The following TEX14 variants were observed in gnomAD, a reference collection of about 807,000 sequenced individuals.
TEX14 encodes the protein inactive serine/threonine-protein kinase TEX14.
In TEX14, 168 loss-of-function variants were observed where a neutral mutation model predicts 178.6. The observed-to-expected ratio is 0.94, with a 90% CI of 0.83 to 1.07. The LOEUF (loss-of-function observed/expected upper bound fraction) is 1.07, where lower values mean the gene tolerates loss of function less well. Among genes scored for constraint, TEX14 ranks in the 50% least tolerant of loss-of-function variants. The pLI, the probability that TEX14 is intolerant of heterozygous loss-of-function variation, is 0.00. For missense variants in TEX14, 1,730 were observed against 1,753.6 expected, an observed-to-expected ratio of 0.99 and a Z score of 0.24; for synonymous variants, 626 against 634.1, an observed-to-expected ratio of 0.99 and a Z score of 0.19.
chr17:58,657,463 T>C, intron 1 of TEX14, among the ~76,000 whole-genome samples: 1 of 151,158 alleles, frequency 6.6e-6, no homozygotes, highest in East Asian at 1.9e-4. Flanking sequence ...GTCTTTGTCA[T>C]GTGTATATTA....
At chr17:58,577,537 CT>C in intron 20 of TEX14, 81 bp from the exon 21 acceptor site, 2 of 449,464 alleles carry the variant, frequency 4.4e-6, no homozygotes, top group Non-Finnish European at 7.2e-6. Context: ...TCACCATTCC[CT>C]AGAATGTCCC....
chr17:58,663,915 T>C lies in TEX14; in HGVS notation c.-1-11913A>G, dbSNP rs551262195. 3.6e-4 allele frequency among the ~76,000 whole-genome samples: 55 copies of C among 152,280 alleles called. No individual in the cohort carries two copies. In the South Asian group the frequency reaches 7.5e-3, roughly 21 times the overall value. On this transcript the variant is annotated intron_variant, in intron 1 of 31. Coordinates refer to ENST00000349033, the MANE Select transcript of TEX14 (RefSeq NM_031272.5). The stretch of plus-strand genomic sequence containing the variant: ...TATTTAGGCCAGGGGCAGTGGCTCA[T>C]GCCTGCAATCCCATCACTTTGGGAG...
chr17:58,634,764 A>AAG (rs1403614197), intron 2 of TEX14, among the ~76,000 whole-genome samples: 1 of 152,186 alleles, frequency 6.6e-6, no homozygotes, highest in Non-Finnish European at 1.5e-5. Flanking sequence ...ATATTTGTAT[A>AAG]ATGAAGTTTG....
At chr17:58,681,325 G>A (rs2047497219) in intron 1 of TEX14, among the ~76,000 whole-genome samples, 1 of 152,008 alleles carries the variant, frequency 6.6e-6, no homozygotes, top group Admixed American at 6.6e-5. Flanking sequence ...AGAACATAGA[G>A]GTGTCTTAGA....
intron 11 of TEX14, among the ~76,000 whole-genome samples, chr17:58,604,588 T>C (rs2045560405): frequency 6.7e-6 from 1 of 149,468 alleles, no homozygotes. Flanking sequence ...TGAGACAGAG[T>C]CTCACTCTGT....
At chr17:58,607,886 G>C (rs2045647358) in intron 10 of TEX14, among the ~76,000 whole-genome samples, 1 of 152,214 alleles carries the variant, frequency 6.6e-6, no homozygotes, top group African/African-American at 2.4e-5. Context: ...CCAGTACTTT[G>C]GGAGGCCAAG....
intron 14 of TEX14, among the ~76,000 whole-genome samples, chr17:58,594,336 T>C (rs1481462878): frequency 6.6e-6 from 1 of 151,642 alleles, no homozygotes; most frequent in Non-Finnish European, 1.5e-5. Flanking sequence ...TTATTCAGAC[T>C]AACATAAGAG....
intron 1 of TEX14, among the ~76,000 whole-genome samples, chr17:58,673,856 C>T (rs2047344596): frequency 6.6e-6 from 1 of 152,210 alleles, no homozygotes; most frequent in African/African-American, 2.4e-5. Context: ...ACGTGAGCCA[C>T]CCCACGTGGC....
intron 1 of TEX14, among the ~76,000 whole-genome samples, chr17:58,683,448 A>C (rs754267029): frequency 2.6e-5 from 4 of 151,636 alleles, no homozygotes; most frequent in Admixed American, 6.6e-5. Flanking sequence ...TTATAAACTG[A>C]ATCTAGTAGA....
At chr17:58,658,935 A>T (rs888414187) in intron 1 of TEX14, among the ~76,000 whole-genome samples, 4 of 151,700 alleles carry the variant, frequency 2.6e-5, no homozygotes, top group Non-Finnish European at 5.9e-5. Context: ...AGTAGCTAGC[A>T]CAGGTGCGTA....
chr17:58,636,251 C>G (rs1468635089), intron 2 of TEX14, among the ~76,000 whole-genome samples: 2 of 152,142 alleles, frequency 1.3e-5, no homozygotes, highest in African/African-American at 4.8e-5. Flanking sequence ...CATGTTGTGG[C>G]TGCTATAAAG....
intron 19 of TEX14, 144 bp from the exon 20 acceptor site, chr17:58,579,875 C>T (rs2044770328): frequency 1.5e-6 from 1 of 662,592 alleles, no homozygotes; most frequent in South Asian, 1.9e-5. Context: ...AAACTTGCTT[C>T]CTAGACATTA....
At chr17:58,618,814 T>C (rs1226046157) in intron 5 of TEX14, among the ~76,000 whole-genome samples, 1 of 152,246 alleles carries the variant, frequency 6.6e-6, no homozygotes, top group Admixed American at 6.5e-5. Context: ...TGCTATGCTA[T>C]TGAGGAGAAG....
intron 2 of TEX14, among the ~76,000 whole-genome samples, chr17:58,634,898 G>A (rs910712817): frequency 4.3e-4 from 65 of 152,162 alleles, no homozygotes; most frequent in African/African-American, 1.4e-3. Flanking sequence ...TTGGGAGGCC[G>A]AGGCAGGCGG....
At chr17:58,658,273 A>T (rs1415419611) in intron 1 of TEX14, among the ~76,000 whole-genome samples, 1 of 152,164 alleles carries the variant, frequency 6.6e-6, no homozygotes, top group Non-Finnish European at 1.5e-5. Flanking sequence ...CTGTCTAGGC[A>T]GCAGGCAAGG....
chr17:58,644,989 C>CTT (rs1162304177), intron 2 of TEX14, among the ~76,000 whole-genome samples: 4 of 135,572 alleles, frequency 3.0e-5, no homozygotes, highest in Admixed American at 1.5e-4. Flanking sequence ...TTTTTCTTAA[C>CTT]TTTTTTTTTT....
At chr17:58,607,901 G>A (rs2045647591) in intron 10 of TEX14, among the ~76,000 whole-genome samples, 1 of 152,226 alleles carries the variant, frequency 6.6e-6, no homozygotes, top group Admixed American at 6.5e-5. Flanking sequence ...GCCAAGGCAG[G>A]AGGACTGCCT....
intron 1 of TEX14, among the ~76,000 whole-genome samples, chr17:58,663,119 A>G (rs1177380524): frequency 2.0e-5 from 3 of 151,046 alleles, no homozygotes; most frequent in African/African-American, 7.3e-5. Context: ...AAAAAAAAAA[A>G]AAAAGAAAAG....
chr17:58,647,705 T>G (rs2046745641), intron 2 of TEX14, among the ~76,000 whole-genome samples: 1 of 152,090 alleles, frequency 6.6e-6, no homozygotes, highest in Non-Finnish European at 1.5e-5. Context: ...TTTTGTTTTT[T>G]GTTTTTTGAG....
Sources: gnomAD v4.1 joint callset for allele counts (sites outside exome capture counted in the v4.1 genomes callset) on GRCh38, gnomAD v4.1.1 for gene constraint, MANE v1.5 for transcripts, NCBI Gene and HGNC (gene_info 2026-07-23, HGNC 2026-07-21) for gene names.